The following LPAR1 variants were observed in gnomAD, a reference collection of about 807,000 sequenced individuals.
LPAR1 encodes the protein LPA receptor 1.
A neutral mutation model predicts 23.8 loss-of-function variants in LPAR1; 5 were observed. The observed-to-expected ratio is 0.21, with a 90% CI of 0.11 to 0.44. The LOEUF (loss-of-function observed/expected upper bound fraction) is 0.44, where lower values mean the gene tolerates loss of function less well. LPAR1 is among the 20% of genes least tolerant of loss of function. The pLI is 0.99. For synonymous variants in LPAR1, 160 were observed against 164.7 expected (o/e 0.97, Z 0.22); for missense variants, 311 against 482.8 (o/e 0.64, Z 3.33).
chr9:110,983,109 CAA>C lies in LPAR1; in HGVS notation c.-181-9553_-181-9552del, dbSNP rs1458205294. 5.3e-5 allele frequency among the ~76,000 whole-genome samples: 8 copies of C among 151,970 alleles called. No individual in the cohort carries two copies. In the South Asian group the frequency reaches 1.7e-3, roughly 32 times the overall value. On this transcript the variant is annotated intron_variant, in intron 2 of 5. Transcript: ENST00000683809. ...TATGGAAAACAGTATAGAGGTTCCT[CAA>C]AAAAATTAAAATAGGATTACCATAT...
intron 4 of LPAR1, among the ~76,000 whole-genome samples, chr9:110,964,275 C>G (rs186392081): frequency 6.8e-6 from 1 of 147,000 alleles, no homozygotes; most frequent in East Asian, 1.9e-4. Flanking sequence ...GTAAACTGAT[C>G]TAATCAATGT....
intron 2 of LPAR1, among the ~76,000 whole-genome samples, chr9:110,985,656 T>C (rs1367100430): frequency 1.3e-5 from 2 of 152,132 alleles, no homozygotes; most frequent in South Asian, 2.1e-4. Flanking sequence ...CCCAGCTGTA[T>C]AGTTTTCACT....
chr9:110,939,232 T>C (rs2136068135), intron 5 of LPAR1, among the ~76,000 whole-genome samples: 1 of 152,302 alleles, frequency 6.6e-6, no homozygotes, highest in South Asian at 2.1e-4. Flanking sequence ...AAACATCTGT[T>C]AGGATTGTGA....
intron 2 of LPAR1, among the ~76,000 whole-genome samples, chr9:110,997,802 A>C (rs2097047508): frequency 6.6e-6 from 1 of 152,240 alleles, no homozygotes; most frequent in South Asian, 2.1e-4. Context: ...GAGCAGAGCA[A>C]GCTTTACTGC....
intron 5 of LPAR1, among the ~76,000 whole-genome samples, chr9:110,876,533 CAGA>C (rs1425818631): frequency 6.6e-6 from 1 of 152,136 alleles, no homozygotes; most frequent in Non-Finnish European, 1.5e-5. Flanking sequence ...AACTGAGACC[CAGA>C]AAGTTTATAT....
At chr9:110,900,874 CTG>C (rs755139243) in intron 5 of LPAR1, among the ~76,000 whole-genome samples, 1 of 152,188 alleles carries the variant, frequency 6.6e-6, no homozygotes, top group Non-Finnish European at 1.5e-5. Context: ...AGCACCTTCC[CTG>C]TGTTTTTTAG....
At chr9:110,975,606 G>A (rs2096538388) in intron 2 of LPAR1, among the ~76,000 whole-genome samples, 1 of 152,188 alleles carries the variant, frequency 6.6e-6, no homozygotes, top group Non-Finnish European at 1.5e-5. Flanking sequence ...AAAGCACATG[G>A]AATCTTTAAG....
At chr9:110,929,276 A>G (rs376061452) in intron 5 of LPAR1, among the ~76,000 whole-genome samples, 42 of 152,326 alleles carry the variant, frequency 2.8e-4, no homozygotes, top group African/African-American at 9.9e-4. Context: ...AAATACATGA[A>G]CAGAAAGTAG....
rs12002806 is a variant in LPAR1, at chr9:110,969,158, C to T, written c.45+2915G>A. Among the ~76,000 whole-genome samples, 984 of 152,142 alleles carry T rather than the reference C, an allele frequency of 6.5e-3. 10 individuals are homozygous for T. Among genetic ancestry groups the T allele is most frequent in the African/African-American group, 0.022 (923 of 41,506 alleles). The stretch of plus-strand genomic sequence containing the variant: ...AGATTTTGTTGGATAGAGGTATAAG[C>T]TCTGGAGGGATTTTTTTCATCTCCC... On this transcript the variant is annotated intron_variant, in intron 4 of 5. Transcript: ENST00000683809.
At chr9:111,004,872 C>T (rs1213017712) in intron 2 of LPAR1, among the ~76,000 whole-genome samples, 1 of 152,100 alleles carries the variant, frequency 6.6e-6, no homozygotes, top group Non-Finnish European at 1.5e-5. Context: ...GATTCAAATC[C>T]ATTCTTGGTT....
At chr9:110,883,562 A>C (rs62571454) in intron 5 of LPAR1, among the ~76,000 whole-genome samples, 28,229 of 152,192 alleles carry the variant, frequency 0.19, 2,855 homozygotes, top group Non-Finnish European at 0.23. Context: ...AATGTCAAGA[A>C]TAAGCCCAAA....
Position 110,951,804 on chromosome 9 carries a change from A to T in LPAR1, c.46-9636T>A, listed in dbSNP as rs148801225. 2.4e-4 allele frequency among the ~76,000 whole-genome samples: 36 copies of T among 152,354 alleles called. No homozygotes were observed. The East Asian group carries it at 6.4e-3, about 27-fold the overall frequency. ...ATCACACATGTGCCTAACGAGAGAC[A>T]CATGAATTCCAATTGCCACTCTTTT... On this transcript the variant is annotated intron_variant, in intron 4 of 5. Coordinates refer to ENST00000683809, the MANE Select transcript of LPAR1 (RefSeq NM_001351411.2).
At chr9:111,002,551 T>C (rs2097147155) in intron 2 of LPAR1, among the ~76,000 whole-genome samples, 1 of 152,174 alleles carries the variant, frequency 6.6e-6, no homozygotes, top group Admixed American at 6.6e-5. Context: ...AATGAACTTA[T>C]CATTAAAGAT....
intron 2 of LPAR1, among the ~76,000 whole-genome samples, chr9:111,032,628 T>A (rs1372787325): frequency 1.3e-5 from 2 of 152,162 alleles, no homozygotes; most frequent in Non-Finnish European, 2.9e-5. Flanking sequence ...AATTTCAGAA[T>A]CAGGGCAGTT....
At chr9:110,935,342 G>A (rs758523361) in intron 5 of LPAR1, among the ~76,000 whole-genome samples, 1 of 151,936 alleles carries the variant, frequency 6.6e-6, no homozygotes. Flanking sequence ...GTAAGATGTG[G>A]GAGTTGGATG....
chr9:110,947,725 G>A (rs964455368), intron 4 of LPAR1, among the ~76,000 whole-genome samples: 11 of 152,236 alleles, frequency 7.2e-5, no homozygotes, highest in African/African-American at 2.4e-4. Flanking sequence ...CAGTACATCT[G>A]ATGTGTTCTT....
At chr9:110,947,819 C>T (rs1268991616) in intron 4 of LPAR1, among the ~76,000 whole-genome samples, 2 of 152,190 alleles carry the variant, frequency 1.3e-5, no homozygotes, top group African/African-American at 4.8e-5. Flanking sequence ...AGTAATTACA[C>T]CAATGTGATT....
chr9:111,011,419 C>T (rs981916833), intron 2 of LPAR1, among the ~76,000 whole-genome samples: 1 of 152,156 alleles, frequency 6.6e-6, no homozygotes, highest in African/African-American at 2.4e-5. Context: ...GATCCTTGGA[C>T]AGGCAGTTTG....
At chr9:111,004,215 A>G (rs914920876) in intron 2 of LPAR1, among the ~76,000 whole-genome samples, 2 of 152,150 alleles carry the variant, frequency 1.3e-5, no homozygotes, top group African/African-American at 2.4e-5. Context: ...CTAGTCTTCA[A>G]TTGGCCACAT....
Sources: gnomAD v4.1 joint callset for allele counts (sites outside exome capture counted in the v4.1 genomes callset) on GRCh38, gnomAD v4.1.1 for gene constraint, MANE v1.5 for transcripts, NCBI Gene and HGNC (gene_info 2026-07-23, HGNC 2026-07-21) for gene names.